The following CPLX4 variants were observed in gnomAD, a reference collection of about 807,000 sequenced individuals.
CPLX4 encodes complexin-4.
CPLX4 carries 17 observed loss-of-function variants against 16.1 expected under a neutral mutation model. The ratio of observed to expected loss-of-function variants is 1.06; its 90% confidence interval spans 0.72 to 1.59. The LOEUF is 1.59. Ranked by LOEUF, CPLX4 falls within the 40% of genes most tolerant of loss-of-function variation. The pLI, the probability that CPLX4 is intolerant of heterozygous loss-of-function variation, is 0.00. For missense variants in CPLX4, 193 were observed against 192.9 expected, an observed-to-expected ratio of 1.00 and a Z score of 0.00; for synonymous variants, 55 against 57.8, an observed-to-expected ratio of 0.95 and a Z score of 0.22.
chr18:59,296,459 C>T lies in CPLX4; in HGVS notation c.*239G>A. On this transcript the variant is annotated 3_prime_UTR_variant, in exon 3 of 3. Transcript: ENST00000299721. ...ATGTGTTCTGCATCATCATTTACAA[C>T]TGAAATTTTCCAGTTTATCTCATTT... The T allele has an allele frequency of 1.8e-6, 1 of 553,646 alleles. No homozygotes were observed. Among genetic ancestry groups the T allele is most frequent in the Non-Finnish European group, 3.2e-6 (1 of 316,216 alleles). The allele number at this position is 553,646 out of a possible 1,614,324, so 34.3% of individuals were successfully genotyped here.
intron 2 of CPLX4, among the ~76,000 whole-genome samples, chr18:59,302,231 G>C (rs563566580): frequency 1.3e-5 from 2 of 152,352 alleles, no homozygotes; most frequent in East Asian, 3.9e-4. Context: ...ACGTTCTGCT[G>C]CCCATTGACA....
chr18:59,297,038 G>C, intron 2 of CPLX4, 113 bp from the exon 3 acceptor site: 1 of 1,457,240 alleles, frequency 6.9e-7, no homozygotes, highest in Non-Finnish European at 9.0e-7. Context: ...GAAGTGAGTG[G>C]CACTCTTGGC....
intron 2 of CPLX4, among the ~76,000 whole-genome samples, chr18:59,299,684 G>A (rs1021011185): frequency 3.3e-5 from 5 of 152,208 alleles, no homozygotes; most frequent in Non-Finnish European, 2.9e-5. Flanking sequence ...CTCAGGGAAG[G>A]GAGAGCAGTG....
intron 2 of CPLX4, among the ~76,000 whole-genome samples, chr18:59,301,922 G>A (rs11662475): frequency 0.25 from 37,585 of 152,180 alleles, 5,012 homozygotes; most frequent in South Asian, 0.34. Flanking sequence ...AAACAGCCTC[G>A]CAAGCATCTA....
At chr18:59,297,028 G>A (rs76589332) in intron 2 of CPLX4, 103 bp from the exon 3 acceptor site, 4 of 1,479,114 alleles carry the variant, frequency 2.7e-6, no homozygotes, top group East Asian at 4.9e-5. Context: ...GAGAATACAG[G>A]AAGTGAGTGG....
intron 2 of CPLX4, among the ~76,000 whole-genome samples, chr18:59,302,984 AT>A (rs2070552018): frequency 6.6e-6 from 1 of 152,202 alleles, no homozygotes; most frequent in African/African-American, 2.4e-5. Flanking sequence ...AGAAGAATGG[AT>A]TTCTTTCACA....
chr18:59,314,244 C>T (rs1308516299), intron 1 of CPLX4, among the ~76,000 whole-genome samples: 1 of 152,124 alleles, frequency 6.6e-6, no homozygotes, highest in Non-Finnish European at 1.5e-5. Context: ...AAGCAGCAGA[C>T]CTTTTCTCCC....
At chr18:59,305,512 G>A (rs557468124) in intron 2 of CPLX4, among the ~76,000 whole-genome samples, 113 of 152,158 alleles carry the variant, frequency 7.4e-4, no homozygotes, top group Non-Finnish European at 1.5e-3. Context: ...TTTACTGGAC[G>A]TGCAGCTGGA....
chr18:59,318,231 G>T, intron 1 of CPLX4, 65 bp downstream of exon 1: 1 of 1,492,504 alleles, frequency 6.7e-7, no homozygotes. Context: ...CTGGAGAACT[G>T]AAGAAGGTAT....
At chr18:59,298,595 C>T (rs1341643931) in intron 2 of CPLX4, among the ~76,000 whole-genome samples, 1 of 148,118 alleles carries the variant, frequency 6.8e-6, no homozygotes, top group Non-Finnish European at 1.5e-5. Flanking sequence ...AAGATTTCTG[C>T]ACCTGGTGAC....
At chr18:59,309,830 AAAAAAAAAAAAAG>A (rs869176742) in intron 2 of CPLX4, among the ~76,000 whole-genome samples, 16 of 111,474 alleles carry the variant, frequency 1.4e-4, no homozygotes, top group African/African-American at 2.0e-4. Context: ...GTCAAAAAAA[AAAAAAAAAAAAAG>A]AAAAAGAAAA....
intron 2 of CPLX4, among the ~76,000 whole-genome samples, chr18:59,304,144 G>A (rs763330551): frequency 2.6e-5 from 4 of 152,088 alleles, no homozygotes; most frequent in Non-Finnish European, 5.9e-5. Context: ...ATCTTTATTC[G>A]AAATGAATGG....
intron 1 of CPLX4, among the ~76,000 whole-genome samples, chr18:59,314,554 C>T (rs1291080177): frequency 1.3e-5 from 2 of 152,182 alleles, no homozygotes; most frequent in Non-Finnish European, 2.9e-5. Context: ...CTGAAGCACA[C>T]CATTCAATGA....
intron 2 of CPLX4, among the ~76,000 whole-genome samples, chr18:59,302,063 A>T (rs961165852): frequency 2.0e-5 from 3 of 152,190 alleles, no homozygotes; most frequent in African/African-American, 7.2e-5. Context: ...GTGGGAGAGT[A>T]TCGGCCCTTA....
intron 2 of CPLX4, among the ~76,000 whole-genome samples, chr18:59,297,328 G>A (rs2070508926): frequency 6.6e-6 from 1 of 151,250 alleles, no homozygotes; most frequent in Admixed American, 6.6e-5. Context: ...CCAGGCTGAA[G>A]TGCAGTATCT....
At chr18:59,311,146 G>T (rs1469052472) in intron 2 of CPLX4, among the ~76,000 whole-genome samples, 1 of 152,144 alleles carries the variant, frequency 6.6e-6, no homozygotes, top group Admixed American at 6.5e-5. Flanking sequence ...CATCCAGGGA[G>T]TTTCAGGAAA....
In CPLX4 at chr18:59,316,323, T is replaced by C. The variant is rs576645918; in HGVS notation, c.167+1973A>G. Among the ~76,000 whole-genome samples the C allele has an allele frequency of 2.0e-5, 3 of 152,072 alleles. No homozygotes were observed. The South Asian group carries it at 6.2e-4, about 31-fold the overall frequency. On this transcript the variant is annotated intron_variant, in intron 1 of 2. Transcript: ENST00000299721. ...AATGAATGTGCATTATTAAATAGAG[T>C]GCATTGCTAAATAGTTTTTTATTTA... is the stretch of plus-strand genomic sequence containing the variant.
intron 1 of CPLX4, among the ~76,000 whole-genome samples, chr18:59,317,735 T>A (rs1358505526): frequency 6.6e-6 from 1 of 152,116 alleles, no homozygotes; most frequent in East Asian, 1.9e-4. Context: ...ATGTTTAGAA[T>A]TTCCATATTA....
intron 2 of CPLX4, among the ~76,000 whole-genome samples, chr18:59,304,551 C>T (rs1047444953): frequency 2.0e-5 from 3 of 151,954 alleles, no homozygotes; most frequent in African/African-American, 4.8e-5. Flanking sequence ...GTTGTGTTGA[C>T]ACTTTGTTCT....
Sources: gnomAD v4.1 joint callset for allele counts (sites outside exome capture counted in the v4.1 genomes callset) on GRCh38, gnomAD v4.1.1 for gene constraint, MANE v1.5 for transcripts, NCBI Gene and HGNC (gene_info 2026-07-23, HGNC 2026-07-21) for gene names.